Variants in FBLN1 observed in about 807,000 individuals in gnomAD.
FBLN1 encodes fibulin 1, also known as fibulin-1.
Under a neutral mutation model 89.7 loss-of-function variants are expected in FBLN1, and 34 were observed. The observed-to-expected ratio is 0.38, with a 90% CI of 0.29 to 0.50. FBLN1 has a LOEUF of 0.50. FBLN1 is among the 20% of genes least tolerant of loss of function. The pLI is 0.92. For missense variants in FBLN1, 777 were observed against 988.1 expected (o/e 0.79, Z 2.86); for synonymous variants, 393 against 391.3 (o/e 1.00, Z -0.05).
At chr22:45,587,885 G>A (rs932066180) in intron 16 of FBLN1, among the ~76,000 whole-genome samples, 16 of 152,156 alleles carry the variant, frequency 1.1e-4, no homozygotes, top group African/African-American at 3.6e-4. Flanking sequence ...TGCAGAGTGT[G>A]CAGCTCCTTC....
intron 16 of FBLN1, among the ~76,000 whole-genome samples, chr22:45,598,103 A>C (rs749263010): frequency 6.6e-6 from 1 of 152,228 alleles, no homozygotes; most frequent in Non-Finnish European, 1.5e-5. Context: ...GCCTGGAATC[A>C]GCCGTTTGTG....
intron 14 of FBLN1, among the ~76,000 whole-genome samples, chr22:45,552,991 C>T (rs531758415): frequency 6.9e-4 from 105 of 152,314 alleles, no homozygotes; most frequent in African/African-American, 2.5e-3. Context: ...TTGCCGCTTC[C>T]CGGGGATGGG....
chr22:45,503,980 C>A (rs948199119), intron 1 of FBLN1, among the ~76,000 whole-genome samples: 2 of 152,200 alleles, frequency 1.3e-5, no homozygotes, highest in African/African-American at 4.8e-5. Context: ...TGACCTGTGA[C>A]CTCTCTGCTG....
At chr22:45,555,264 T>TATATATATATATATATATATATAA (rs1465064877) in intron 14 of FBLN1, among the ~76,000 whole-genome samples, 1 of 33,418 alleles carries the variant, frequency 3.0e-5, no homozygotes. Flanking sequence ...TATATATATA[T>TATATATATATATATATATATATAA]AAAATGGAAT....
intron 16 of FBLN1, among the ~76,000 whole-genome samples, chr22:45,598,655 G>C (rs556210843): frequency 2.6e-5 from 4 of 152,276 alleles, no homozygotes; most frequent in African/African-American, 9.6e-5. Flanking sequence ...TTTCATCCTA[G>C]ATCTCCCACC....
rs139034479 is a variant in FBLN1, at chr22:45,579,303, C to T, written c.1972+2195C>T. 2.3e-3 allele frequency among the ~76,000 whole-genome samples: 350 copies of T among 152,376 alleles called. 1 individual carries two copies. Among genetic ancestry groups the T allele is most frequent in the African/African-American group, 7.9e-3 (327 of 41,600 alleles). On this transcript the variant is annotated intron_variant, in intron 16 of 16. Transcript: ENST00000327858. The surrounding 1 kb of genome is among the most constrained non-coding windows in gnomAD (Gnocchi z 5.5). ...TTCCGTAGGAGGGGAAACTGAGGCC[C>T]GGAAGGGCGAGGGGGCTTGCCAGTC...
intron 14 of FBLN1, chr22:45,564,859 G>A (rs1360486804): frequency 1.2e-6 from 2 of 1,613,318 alleles, no homozygotes; most frequent in Non-Finnish European, 1.7e-6. Flanking sequence ...CTGTGGCTGT[G>A]ACACTGTGCT....
intron 16 of FBLN1, among the ~76,000 whole-genome samples, chr22:45,584,129 C>T (rs1212670529): frequency 6.6e-6 from 1 of 152,134 alleles, no homozygotes; most frequent in Non-Finnish European, 1.5e-5. Flanking sequence ...GTGACTGAGC[C>T]CTGCTCTGGT....
At chr22:45,522,498 A>C (rs2088264577) in intron 2 of FBLN1, among the ~76,000 whole-genome samples, 1 of 152,200 alleles carries the variant, frequency 6.6e-6, no homozygotes, top group African/African-American at 2.4e-5. Context: ...AGGGGGTATC[A>C]GCTCCCTGAG....
intron 8 of FBLN1, among the ~76,000 whole-genome samples, chr22:45,539,489 A>G (rs866513713): frequency 6.6e-4 from 100 of 152,128 alleles, no homozygotes; most frequent in Admixed American, 3.7e-3. Flanking sequence ...GTGAGCCACC[A>G]CGCCCAGCCT....
chr22:45,542,369 C>T (rs1050396099), intron 10 of FBLN1, 86 bp downstream of exon 10: 44 of 1,532,808 alleles, frequency 2.9e-5, no homozygotes, highest in Middle Eastern at 4.1e-4. Flanking sequence ...GTGATGTGGT[C>T]TGATCCTCAT....
At chr22:45,548,469 T>C in intron 12 of FBLN1, 144 bp from the exon 13 acceptor site, 1 of 1,083,800 alleles carries the variant, frequency 9.2e-7, no homozygotes, top group Non-Finnish European at 1.3e-6. Flanking sequence ...CTGAGCACGA[T>C]GGTCTCTGAG....
chr22:45,598,863 G>T (rs1162459822), intron 16 of FBLN1, among the ~76,000 whole-genome samples: 1 of 152,248 alleles, frequency 6.6e-6, no homozygotes, highest in Non-Finnish European at 1.5e-5. Context: ...CAGGGGCATG[G>T]CACCGTTTGT....
chr22:45,575,752 A>G lies in FBLN1; in HGVS notation c.1840+1099A>G, dbSNP rs2147027825. ...GCAGGGCCTGGGCTGCGTGCTCCCA[A>G]GCCTGGCAGAGGGCTATGGATGGAG... On this transcript the variant is annotated intron_variant, in intron 15 of 16. Coordinates refer to ENST00000327858, the MANE Select transcript of FBLN1 (RefSeq NM_006486.3). The surrounding 1 kb of genome is among the most constrained non-coding windows in gnomAD (Gnocchi z 6.3). Among the ~76,000 whole-genome samples the G allele has an allele frequency of 6.6e-6, 1 of 152,260 alleles. No individual in the cohort carries two copies. Among genetic ancestry groups the G allele is most frequent in the Non-Finnish European group, 1.5e-5 (1 of 68,016 alleles).
rs2088991990 is a variant in FBLN1, at chr22:45,575,768, A to G, written c.1840+1115A>G. Among the ~76,000 whole-genome samples the G allele has an allele frequency of 1.3e-5, 2 of 152,122 alleles. No homozygotes were observed. Among genetic ancestry groups the G allele is most frequent in the Non-Finnish European group, 2.9e-5 (2 of 68,010 alleles). On this transcript the variant is annotated intron_variant, in intron 15 of 16. Transcript: ENST00000327858. The surrounding 1 kb of genome is among the most constrained non-coding windows in gnomAD (Gnocchi z 6.3). ...GTGCTCCCAAGCCTGGCAGAGGGCTATGGATGGAGCATTGTCCTGTTCACC... is the reference window on the plus strand; with the variant it reads ...GTGCTCCCAAGCCTGGCAGAGGGCTGTGGATGGAGCATTGTCCTGTTCACC...
At chr22:45,546,104 C>T (rs912131205) in intron 11 of FBLN1, among the ~76,000 whole-genome samples, 1 of 151,804 alleles carries the variant, frequency 6.6e-6, no homozygotes, top group East Asian at 1.9e-4. Context: ...AATAGCCTCC[C>T]GGAGGTGGAG....
At chr22:45,585,821 G>C (rs1001235813) in intron 16 of FBLN1, among the ~76,000 whole-genome samples, 3 of 152,144 alleles carry the variant, frequency 2.0e-5, no homozygotes, top group Non-Finnish European at 4.4e-5. Context: ...TGACCCCATG[G>C]GGCAGAGATG....
intron 14 of FBLN1, among the ~76,000 whole-genome samples, chr22:45,552,905 C>G (rs1030570463): frequency 2.0e-5 from 3 of 152,198 alleles, no homozygotes; most frequent in Non-Finnish European, 4.4e-5. Context: ...CGGACACATC[C>G]TCTTTATCCC....
In FBLN1 at chr22:45,575,626, C is replaced by A. The variant is rs2088990585; in HGVS notation, c.1840+973C>A. ...GGGGAGCAGGAAGCTCAGGTGTAAC[C>A]CAGTCAGTGCTCCCACACCCCAGCC... On this transcript the variant is annotated intron_variant, in intron 15 of 16. Coordinates refer to ENST00000327858, the MANE Select transcript of FBLN1 (RefSeq NM_006486.3). This position sits in a 1 kb window ranked among gnomAD's most constrained non-coding sequence, Gnocchi z 6.3. 6.6e-6 allele frequency among the ~76,000 whole-genome samples: 1 copy of A among 152,094 alleles called. No homozygotes were observed. Among genetic ancestry groups the A allele is most frequent in the African/African-American group, 2.4e-5 (1 of 41,380 alleles).
Sources: gnomAD v4.1 joint callset for allele counts (sites outside exome capture counted in the v4.1 genomes callset) on GRCh38, gnomAD v4.1.1 for gene constraint, Gnocchi (gnomAD v3.1) non-coding constraint, MANE v1.5 for transcripts, NCBI Gene and HGNC (gene_info 2026-07-23, HGNC 2026-07-21) for gene names.